The following MCOLN2 variants were observed in gnomAD, a reference collection of about 807,000 sequenced individuals.
MCOLN2 encodes mucolipin-2.
Under a neutral mutation model 67.5 loss-of-function variants are expected in MCOLN2, and 57 were observed. The ratio of observed to expected loss-of-function variants is 0.84; its 90% CI spans 0.68 to 1.05. The LOEUF is 1.05. Ranked by LOEUF, MCOLN2 falls within the 50% of genes least tolerant of loss-of-function variation. MCOLN2 has a pLI of 0.00. For missense variants in MCOLN2, 620 were observed against 678.8 expected, an observed-to-expected ratio of 0.91 and a Z score of 0.96; for synonymous variants, 246 against 233.3, an observed-to-expected ratio of 1.05 and a Z score of -0.50.
Position 84,947,129 on chromosome 1 carries a change from T to C in MCOLN2, c.751A>G (p.Ile251Val). The change falls in exon 7 of 14, where the codon ATC (isoleucine) becomes GTC (valine). Residue 251 changes from isoleucine (I) to valine (V), a missense_variant. By Grantham distance (29) the Ile-to-Val change is conservative. Coordinates refer to ENST00000370608, the MANE Select transcript of MCOLN2 (RefSeq NM_153259.4). ...PDCYVFQNTIIFDNKAHSGKI... is the reference protein window; with the variant it reads ...PDCYVFQNTIVFDNKAHSGKI... ...CCACTGTGAGCTTTATTGTCAAAGA[T>C]AATCTGGAGACACAAATGTATAGCG... The C allele has an allele frequency of 6.7e-7, 1 of 1,501,902 alleles. No homozygotes were observed. The highest frequency in any genetic ancestry group is 9.3e-7 in the Non-Finnish European group (1 of 1,079,210). 93.0% of individuals were successfully genotyped at this position (1,501,902 alleles called of 1,614,324 possible).
chr1:84,987,688 G>GTA (rs1650688801), intron 1 of MCOLN2, among the ~76,000 whole-genome samples: 1 of 128,386 alleles, frequency 7.8e-6, no homozygotes, highest in African/African-American at 2.9e-5. Context: ...ATATATAGAT[G>GTA]TATAGATGTA....
chr1:84,979,075 T>C (rs1650129184), intron 1 of MCOLN2, among the ~76,000 whole-genome samples: 2 of 152,168 alleles, frequency 1.3e-5, no homozygotes, highest in African/African-American at 2.4e-5. Context: ...GCTGATTAGA[T>C]TGTGTCCACC....
intron 6 of MCOLN2, among the ~76,000 whole-genome samples, chr1:84,950,967 A>G (rs1202956889): frequency 6.6e-6 from 1 of 152,068 alleles, no homozygotes; most frequent in Non-Finnish European, 1.5e-5. Flanking sequence ...TTAAACCCAC[A>G]CTTCCGACCA....
chr1:84,954,012 A>G (rs924616445), intron 4 of MCOLN2, among the ~76,000 whole-genome samples: 2 of 152,226 alleles, frequency 1.3e-5, no homozygotes, highest in African/African-American at 4.8e-5. Context: ...CTGATTCTTC[A>G]AAAGTGTTAT....
intron 8 of MCOLN2, 147 bp from the exon 9 acceptor site, chr1:84,939,849 G>C: frequency 1.4e-6 from 1 of 726,372 alleles, no homozygotes; most frequent in Non-Finnish European, 2.3e-6. Context: ...TGGAGGTTAC[G>C]GCACACACTT....
At chr1:84,968,094 A>G (rs1649473733) in intron 1 of MCOLN2, among the ~76,000 whole-genome samples, 1 of 152,198 alleles carries the variant, frequency 6.6e-6, no homozygotes, top group Non-Finnish European at 1.5e-5. Context: ...AACGGGAACA[A>G]GAGAGCCAAG....
intron 11 of MCOLN2, among the ~76,000 whole-genome samples, chr1:84,933,817 C>T (rs1279733153): frequency 1.3e-5 from 2 of 152,194 alleles, no homozygotes; most frequent in Non-Finnish European, 1.5e-5. Context: ...CCAGGCTACA[C>T]ACAATATCTG....
chr1:84,940,259 G>C (rs775181913), intron 8 of MCOLN2, among the ~76,000 whole-genome samples: 1 of 152,186 alleles, frequency 6.6e-6, no homozygotes, highest in Non-Finnish European at 1.5e-5. Context: ...AAAATCAAAT[G>C]CAGACTACGT....
chr1:84,959,304 C>T (rs547375715), intron 2 of MCOLN2, among the ~76,000 whole-genome samples: 6 of 152,252 alleles, frequency 3.9e-5, no homozygotes, highest in African/African-American at 1.4e-4. Flanking sequence ...GAAAGAATAA[C>T]AGAGCATGCT....
intron 11 of MCOLN2, among the ~76,000 whole-genome samples, chr1:84,932,440 T>C (rs932763138): frequency 6.6e-6 from 1 of 152,132 alleles, no homozygotes; most frequent in Non-Finnish European, 1.5e-5. Context: ...CTCGAACTCC[T>C]GGCCTCAGGT....
In MCOLN2 at chr1:84,931,357, C is replaced by T. The variant is rs201550839; in HGVS notation, c.1542+5G>A. On this transcript the variant is annotated splice_donor_5th_base_variant and intron_variant, in intron 12 of 13. Transcript: ENST00000370608. ...TTTTGGCAGCAAATTTTGATAATTACTTACCTTAATGGTGTCATAAGAATC... is the reference window on the plus strand; with the variant it reads ...TTTTGGCAGCAAATTTTGATAATTATTTACCTTAATGGTGTCATAAGAATC... The T allele has an allele frequency of 1.7e-5, 25 of 1,498,172 alleles. No individual in the cohort carries two copies. The African/African-American group carries it at 2.4e-4, about 14-fold the overall frequency. 92.8% of individuals were successfully genotyped at this position (1,498,172 alleles called of 1,614,324 possible). A position where few individuals can be genotyped will look rare whatever the true frequency, so the allele number is the denominator to read the frequency against.
At chr1:84,959,565 G>A (rs371779242) in intron 2 of MCOLN2, among the ~76,000 whole-genome samples, 2 of 151,908 alleles carry the variant, frequency 1.3e-5, no homozygotes, top group Non-Finnish European at 2.9e-5. Context: ...ACTCTCACAC[G>A]CACATTCACA....
At chr1:84,962,278 G>A (rs1380785477) in intron 2 of MCOLN2, among the ~76,000 whole-genome samples, 1 of 152,178 alleles carries the variant, frequency 6.6e-6, no homozygotes, top group African/African-American at 2.4e-5. Context: ...GGGCACAGTG[G>A]CTCATGCCTG....
intron 7 of MCOLN2, among the ~76,000 whole-genome samples, chr1:84,943,529 G>A (rs968055130): frequency 4.6e-5 from 7 of 152,078 alleles, no homozygotes; most frequent in African/African-American, 9.7e-5. Flanking sequence ...AACAGACTGC[G>A]GTCAGAGTCT....
intron 1 of MCOLN2, among the ~76,000 whole-genome samples, chr1:84,995,660 CAG>C (rs1218899186): frequency 2.6e-5 from 4 of 152,194 alleles, no homozygotes; most frequent in Non-Finnish European, 4.4e-5. Context: ...ACTTCACTGA[CAG>C]AGACATAGCC....
intron 6 of MCOLN2, 103 bp from the exon 7 acceptor site, chr1:84,947,235 C>G: frequency 1.5e-6 from 1 of 681,178 alleles, no homozygotes; most frequent in Non-Finnish European, 2.6e-6. Flanking sequence ...GTGTGCTGAT[C>G]CAAAGAGAAT....
At chr1:84,987,287 A>G (rs900951965) in intron 1 of MCOLN2, among the ~76,000 whole-genome samples, 3 of 145,734 alleles carry the variant, frequency 2.1e-5, no homozygotes, top group African/African-American at 7.5e-5. Context: ...ATCTATATAC[A>G]TATGCCATGT....
intron 11 of MCOLN2, among the ~76,000 whole-genome samples, chr1:84,932,592 CT>C (rs113116671): frequency 0.082 from 12,452 of 152,082 alleles, 787 homozygotes; most frequent in African/African-American, 0.18. Flanking sequence ...GAAAAATGAA[CT>C]TTTTTTTCTA....
chr1:84,996,781 G>C lies in MCOLN2; in HGVS notation c.77+15C>G. On this transcript the variant is annotated intron_variant, in intron 1 of 13. Transcript: ENST00000370608. ...CCAGTCCAGCATCCTGAAAGATGAA[G>C]CCCAGACTCCTCACCTGACGGTTAA... 1.2e-6 allele frequency: 2 copies of C among 1,610,936 alleles called. No homozygotes were observed. The highest frequency in any genetic ancestry group is 1.7e-6 in the Non-Finnish European group (2 of 1,177,198).
Sources: gnomAD v4.1 joint callset for allele counts (sites outside exome capture counted in the v4.1 genomes callset) on GRCh38, gnomAD v4.1.1 for gene constraint, MANE v1.5 for transcripts, NCBI Gene and HGNC (gene_info 2026-07-23, HGNC 2026-07-21) for gene names.